KRT83: variants seen among roughly 807,000 people sequenced by gnomAD.
The protein encoded by KRT83 is keratin 83.
KRT83 carries 51 observed loss-of-function variants against 52.9 expected under a neutral mutation model. That is an observed-to-expected ratio of 0.96 (90% CI 0.77 to 1.22). The LOEUF (loss-of-function observed/expected upper bound fraction) is 1.22, where lower values mean the gene tolerates loss of function less well. Ranked by LOEUF, KRT83 falls within the 50% of genes most tolerant of loss-of-function variation. KRT83 has a pLI of 0.00. For missense variants in KRT83, 654 were observed against 666.5 expected (o/e 0.98, Z 0.21); for synonymous variants, 278 against 274.1 (o/e 1.01, Z -0.14).
Position 52,314,706 on chromosome 12 carries a change from G to C in KRT83, c.1407C>G (p.Ser469Arg), listed in dbSNP as rs1369445734. ...GGCCACAGGGCTTGCACAAACCAGTGCTCACCACCAGGTTCCCGTTGCAGG... is the reference window on the plus strand; with the variant it reads ...GGCCACAGGGCTTGCACAAACCAGTCCTCACCACCAGGTTCCCGTTGCAGG... ...SAPCNGNLVV[S>R]TGLCKPCGQL... The change falls in exon 9 of 9, where the codon AGC becomes AGG. Residue 469 changes from serine to arginine, a missense_variant. Physicochemically the swap from Ser to Arg is moderately radical, Grantham distance 110. Transcript: ENST00000293670. The C allele has an allele frequency of 6.3e-7, 1 of 1,585,808 alleles. No homozygotes were observed. The highest frequency in any genetic ancestry group is 2.0e-4 in the Middle Eastern group (1 of 5,116).
At chr12:52,320,490 A>C (rs1311993413) in intron 1 of KRT83, among the ~76,000 whole-genome samples, 4 of 152,174 alleles carry the variant, frequency 2.6e-5, no homozygotes, top group Non-Finnish European at 5.9e-5. Flanking sequence ...TGGCTTGGAC[A>C]AAATACTCTA....
At chr12:52,317,865 TGGCGGGACTCAG>T in intron 3 of KRT83, 33 bp downstream of exon 3, 1 of 1,611,608 alleles carries the variant, frequency 6.2e-7, no homozygotes, top group Non-Finnish European at 8.5e-7. Flanking sequence ...AGAGGATGGG[TGGCGGGACTCAG>T]GGCGGGCTCA....
At chr12:52,316,188 A>T (rs1018528177) in intron 6 of KRT83, 75 bp from the exon 7 acceptor site, 6 of 1,565,586 alleles carry the variant, frequency 3.8e-6, no homozygotes, top group South Asian at 1.1e-5. Context: ...CTCCAATAGG[A>T]TCATTCAACT....
chr12:52,316,776 C>T, intron 5 of KRT83, 83 bp downstream of exon 5: 1 of 1,610,478 alleles, frequency 6.2e-7, no homozygotes, highest in South Asian at 1.1e-5. Context: ...ATCAGAATCC[C>T]TAGACAAAGA....
chr12:52,316,069 A>G lies in KRT83; in HGVS notation c.1086T>C (p.Gly362=). ...AGCGGGCATCACTGAGGGCCGCCTC[A>G]CCCTGCTGCTCAGACTGGGCCACCG... The part of the protein sequence containing the change: ...EAAVAQSEQQ[G]EAALSDARCK... Residue 362 remains glycine (G), a synonymous_variant, in exon 7 of 9, where the codon GGT becomes GGC. Transcript: ENST00000293670. 6.2e-7 allele frequency: 1 copy of G among 1,613,610 alleles called. No individual in the cohort carries two copies. The highest frequency in any genetic ancestry group is 1.1e-5 in the South Asian group (1 of 91,044).
Position 52,314,441 on chromosome 12 carries a change from T to C in KRT83, c.*190A>G, listed in dbSNP as rs1407701889. The C allele has an allele frequency of 1.5e-6, 1 of 661,398 alleles. No individual in the cohort carries two copies. Among genetic ancestry groups the C allele is most frequent in the Non-Finnish European group, 2.7e-6 (1 of 366,464 alleles). 41.0% of individuals were successfully genotyped at this position (661,398 alleles called of 1,614,324 possible). On this transcript the variant is annotated 3_prime_UTR_variant, in exon 9 of 9. Transcript: ENST00000293670. ...GCTGAGACAGGGGAAGGAATGGGTC[T>C]ATTCCCCAGCCACAGGCCCCTTTCC...
chr12:52,315,212 T>C (rs1034169997), intron 8 of KRT83, 100 bp downstream of exon 8: 1 of 1,248,780 alleles, frequency 8.0e-7, no homozygotes. Flanking sequence ...ACTGGGGGAA[T>C]TATTGGAAAC....
At chr12:52,318,029 C>G in intron 2 of KRT83, 59 bp from the exon 3 acceptor site, 1 of 1,484,826 alleles carries the variant, frequency 6.7e-7, no homozygotes, top group Non-Finnish European at 9.4e-7. Flanking sequence ...TGGCCATGAG[C>G]ATATATGCAA....
chr12:52,318,017 C>T, intron 2 of KRT83, 47 bp from the exon 3 acceptor site: 1 of 1,556,830 alleles, frequency 6.4e-7, no homozygotes, highest in Non-Finnish European at 8.9e-7. Flanking sequence ...AGCTCTTGAT[C>T]TTGGCCATGA....
intron 2 of KRT83, among the ~76,000 whole-genome samples, chr12:52,318,422 G>A (rs1938721280): frequency 6.6e-6 from 1 of 152,004 alleles, no homozygotes; most frequent in South Asian, 2.1e-4. Flanking sequence ...TGGGGAGTGG[G>A]AGGTGCTGTT....
chr12:52,317,994 AC>A, intron 2 of KRT83, 24 bp from the exon 3 acceptor site: 1 of 1,606,184 alleles, frequency 6.2e-7, no homozygotes, highest in African/African-American at 1.3e-5. Flanking sequence ...GGAGAACAGG[AC>A]CTTGTCTGAA....
At chr12:52,319,081 T>G in intron 2 of KRT83, 75 bp downstream of exon 2, 1 of 1,605,928 alleles carries the variant, frequency 6.2e-7, no homozygotes, top group Non-Finnish European at 8.5e-7. Flanking sequence ...AGCTGCAGAC[T>G]GGATACTCCT....
In KRT83 at chr12:52,321,329, A is replaced by G. The variant is rs776714515; in HGVS notation, c.7T>C (p.Cys3Arg). Reference sequence around the variant, plus strand: ...CCACAGCCTATGGAGTTGAAGCCACAGGTCATGACGGAGGTTAGGAGGTGT... The same window carrying G: ...CCACAGCCTATGGAGTTGAAGCCACGGGTCATGACGGAGGTTAGGAGGTGT... MTCGFNSIGCGFR... is the reference protein window; with the variant it reads MTRGFNSIGCGFR... The change falls in exon 1 of 9, where the codon TGT becomes CGT. Residue 3 changes from cysteine (C) to arginine (R), a missense_variant. Physicochemically the swap from Cys to Arg is radical, Grantham distance 180. Transcript: ENST00000293670. 1.2e-6 allele frequency: 2 copies of G among 1,613,738 alleles called. No homozygotes were observed. Among genetic ancestry groups the G allele is most frequent in the Admixed American group, 1.7e-5 (1 of 60,034 alleles).
Position 52,316,080 on chromosome 12 carries a change from C to T in KRT83, c.1075G>A (p.Glu359Lys). 1 of 1,613,668 alleles carries T rather than the reference C, an allele frequency of 6.2e-7. No homozygotes were observed. The highest frequency in any genetic ancestry group is 2.2e-5 in the East Asian group (1 of 44,880). The change falls in exon 7 of 9, where the codon GAG (glutamate) becomes AAG (lysine). Residue 359 changes from glutamate to lysine, a missense_variant. Coordinates refer to ENST00000293670, the MANE Select transcript of KRT83 (RefSeq NM_002282.3). ...SKLEAAVAQS[E>K]QQGEAALSDA... ...CTGAGGGCCGCCTCACCCTGCTGCT[C>T]AGACTGGGCCACCGCAGCTTCCAGC...
intron 7 of KRT83, 149 bp from the exon 8 acceptor site, chr12:52,315,492 G>T: frequency 1.2e-6 from 1 of 830,846 alleles, no homozygotes; most frequent in South Asian, 1.4e-5. Flanking sequence ...TGCCTTTCTG[G>T]CAGTTGAAGC....
chr12:52,317,677 T>G lies in KRT83; in HGVS notation c.750+4A>C, dbSNP rs1374549560. 18 of 1,611,920 alleles carry G rather than the reference T, an allele frequency of 1.1e-5. No homozygotes were observed. The East Asian group carries it at 3.8e-4, about 34-fold the overall frequency. On this transcript the variant is annotated splice_donor_region_variant and intron_variant, in intron 4 of 8. Transcript: ENST00000293670. ...TGTGCCCACCATGGTTGAGAGCCCC[T>G]CACCTCCTCGTACAGCCGCCTCAGG...
intron 2 of KRT83, among the ~76,000 whole-genome samples, chr12:52,318,333 G>A (rs753704490): frequency 6.6e-6 from 1 of 152,060 alleles, no homozygotes. Flanking sequence ...CCACCACCAC[G>A]CCTGGCTAAT....
Position 52,315,875 on chromosome 12 carries a change from G to C in KRT83, c.1262+18C>G. ...CAGGTCTATGCAAGTGGAGTGCTTA[G>C]GGCTGGGTTGGACCCACCTCTGCTC... is the stretch of plus-strand genomic sequence containing the variant. On this transcript the variant is annotated intron_variant, in intron 7 of 8. Coordinates refer to ENST00000293670, the MANE Select transcript of KRT83 (RefSeq NM_002282.3). 1 of 1,612,244 alleles carries C rather than the reference G, an allele frequency of 6.2e-7. No homozygotes were observed. Among genetic ancestry groups the C allele is most frequent in the Non-Finnish European group, 8.5e-7 (1 of 1,179,856 alleles).
chr12:52,317,714 C>T lies in KRT83; in HGVS notation c.717G>A (p.Gln239=). The change falls in exon 4 of 9, where the codon CAG becomes CAA. Residue 239 remains glutamine, a synonymous_variant. Coordinates refer to ENST00000293670, the MANE Select transcript of KRT83 (RefSeq NM_002282.3). The part of the protein sequence containing the change: ...DLEANVEALI[Q]EIDFLRRLYE... Reference sequence around the variant, plus strand: ...ACAGCCGCCTCAGGAAGTCAATCTCCTGGATCAGGGCCTCCACGTTGGCCT... The same window carrying T: ...ACAGCCGCCTCAGGAAGTCAATCTCTTGGATCAGGGCCTCCACGTTGGCCT... The T allele has an allele frequency of 6.2e-7, 1 of 1,613,188 alleles. No homozygotes were observed. The highest frequency in any genetic ancestry group is 8.5e-7 in the Non-Finnish European group (1 of 1,180,020).
Sources: allele counts gnomAD v4.1 joint callset (sites outside exome capture counted in the v4.1 genomes callset), GRCh38; gene constraint gnomAD v4.1.1; transcripts MANE v1.5; gene names NCBI Gene and HGNC (gene_info 2026-07-23, HGNC 2026-07-21).